IKBIP: variants seen among roughly 807,000 people sequenced by gnomAD.
The protein encoded by IKBIP is IKBKB interacting protein.
IKBIP carries 28 observed loss-of-function variants against 31.0 expected under a neutral mutation model. That is an observed-to-expected ratio of 0.90 (90% confidence interval 0.67 to 1.24). The LOEUF is 1.24. Ranked by LOEUF, IKBIP falls within the 50% of genes most tolerant of loss-of-function variation. The pLI is 0.00. For missense variants in IKBIP, 453 were observed against 441.9 expected (o/e 1.03, Z -0.23); for synonymous variants, 164 against 160.3 (o/e 1.02, Z -0.17).
At chr12:98,614,387 AC>A in intron 2 of IKBIP, 1 of 988,074 alleles carries the variant, frequency 1.0e-6, no homozygotes, top group South Asian at 2.4e-5. Flanking sequence ...TTAGAAGCTT[AC>A]CATTTAAAAT....
At chr12:98,631,529 C>T (rs1041884312) in intron 2 of IKBIP, among the ~76,000 whole-genome samples, 3 of 151,550 alleles carry the variant, frequency 2.0e-5, no homozygotes, top group Non-Finnish European at 4.4e-5. Context: ...GATCCACCCA[C>T]CTCGGCCCCT....
Position 98,624,640 on chromosome 12 carries a change from A to G in IKBIP, c.*1290T>C, listed in dbSNP as rs942478582. On this transcript the variant is annotated 3_prime_UTR_variant, in exon 3 of 3. Coordinates refer to ENST00000299157, the MANE Select transcript of IKBIP (RefSeq NM_153687.4). ...AAACTTCCATATTGCAGTTGACTACATTATATAATTTCAAATAAAATAAAA... is the reference window on the plus strand; with the variant it reads ...AAACTTCCATATTGCAGTTGACTACGTTATATAATTTCAAATAAAATAAAA... The G allele has an allele frequency of 8.0e-6, 7 of 872,100 alleles. No homozygotes were observed. The highest frequency in any genetic ancestry group is 1.8e-5 in the African/African-American group (1 of 54,926). The allele number at this position is 872,100 out of a possible 1,614,324, so 54.0% of individuals were successfully genotyped here.
chr12:98,629,773 G>A (rs2097618218), intron 2 of IKBIP, among the ~76,000 whole-genome samples: 1 of 152,116 alleles, frequency 6.6e-6, no homozygotes, highest in African/African-American at 2.4e-5. Flanking sequence ...GTAATGTCCT[G>A]TTTAGGAGGT....
At position 98,613,460 on chromosome 12, in the gene IKBIP, T is replaced by C. The variant is rs894325878; in HGVS notation, c.*125A>G. 4 of 552,812 alleles carry C rather than the reference T, an allele frequency of 7.2e-6. No individual in the cohort carries two copies. The South Asian group carries it at 1.4e-4, about 19-fold the overall frequency. 34.2% of individuals were successfully genotyped at this position (552,812 alleles called of 1,614,324 possible). On this transcript the variant is annotated 3_prime_UTR_variant, in exon 3 of 3. Transcript: ENST00000342502. The stretch of plus-strand genomic sequence containing the variant: ...ACCTGTTTTAAAGTTTTATTTTTAC[T>C]GTACAAAATAGGATTAAATATAAAA...
At chr12:98,635,999 A>G (rs756863927) in intron 1 of IKBIP, among the ~76,000 whole-genome samples, 1 of 152,250 alleles carries the variant, frequency 6.6e-6, no homozygotes, top group Non-Finnish European at 1.5e-5. Context: ...ACAAATCAAC[A>G]TCTGTTTATA....
intron 1 of IKBIP, among the ~76,000 whole-genome samples, chr12:98,636,064 G>A (rs2097625500): frequency 6.6e-6 from 1 of 152,172 alleles, no homozygotes; most frequent in African/African-American, 2.4e-5. Context: ...ATACCATTTT[G>A]TCTACTTTAA....
At position 98,624,989 on chromosome 12, in the gene IKBIP, T is replaced by G. The variant is rs2097612948; in HGVS notation, c.*941A>C. On this transcript the variant is annotated 3_prime_UTR_variant, in exon 3 of 3. Coordinates refer to ENST00000299157, the MANE Select transcript of IKBIP (RefSeq NM_153687.4). ...CTGGCTAATTTTTTGTATTTTTTAG[T>G]AGAGACAGGGTTTCACCCTGTTAGC... The G allele has an allele frequency of 2.6e-6, 1 of 378,492 alleles. No individual in the cohort carries two copies. The highest frequency in any genetic ancestry group is 1.3e-3 in the Middle Eastern group (1 of 742). 23.4% of individuals were successfully genotyped at this position (378,492 alleles called of 1,614,324 possible).
Position 98,626,511 on chromosome 12 carries a change from T to A in IKBIP, c.553A>T (p.Thr185Ser). 6.2e-7 allele frequency: 1 copy of A among 1,613,596 alleles called. No individual in the cohort carries two copies. Among genetic ancestry groups the A allele is most frequent in the Non-Finnish European group, 8.5e-7 (1 of 1,179,968 alleles). ...TGCTCAGCTGAGTTAATTTGGACAG[T>A]TACTTGAGAATGTATATGTTTTGCT... is the stretch of plus-strand genomic sequence containing the variant. ...SEAKHIHSQV[T>S]VQINSAEQEI... is the part of the protein sequence containing the mutation. The change falls in exon 3 of 3, where the codon ACT becomes TCT. Residue 185 changes from threonine to serine, a missense_variant. By Grantham distance (58) the Thr-to-Ser change is moderately conservative (BLOSUM62 1). Transcript: ENST00000299157.
downstream of IKBIP, among the ~76,000 whole-genome samples, chr12:98,622,045 C>T (rs892117192): frequency 2.0e-5 from 3 of 149,968 alleles, no homozygotes; most frequent in Middle Eastern, 3.4e-3. Flanking sequence ...CACTGCACTC[C>T]AGCCTGGGGA....
chr12:98,644,684 G>A lies in IKBIP; in HGVS notation c.18C>T (p.Ser6=). 4 of 1,610,228 alleles carry A rather than the reference G, an allele frequency of 2.5e-6. No homozygotes were observed. The highest frequency in any genetic ancestry group is 3.4e-6 in the Non-Finnish European group (4 of 1,178,996). MSEVK[S]RKKSGPKGAP... is the part of the protein sequence containing the mutation. ...CTCCCTTGGGCCCCGACTTCTTCCGGCTCTTCACCTCAGACATGTCTGGAG... is the reference window on the plus strand; with the variant it reads ...CTCCCTTGGGCCCCGACTTCTTCCGACTCTTCACCTCAGACATGTCTGGAG... The change falls in exon 1 of 3, where the codon AGC becomes AGT. Residue 6 remains serine (S), a synonymous_variant. Coordinates refer to ENST00000299157, the MANE Select transcript of IKBIP (RefSeq NM_153687.4).
downstream of IKBIP, among the ~76,000 whole-genome samples, chr12:98,620,404 T>C (rs1251439748): frequency 6.6e-6 from 1 of 151,794 alleles, no homozygotes; most frequent in East Asian, 1.9e-4. Context: ...TCTTGCTCTG[T>C]CGCCCAGGCT....
At chr12:98,615,296 C>T (rs531088418) in intron 2 of IKBIP, among the ~76,000 whole-genome samples, 1 of 152,086 alleles carries the variant, frequency 6.6e-6, no homozygotes, top group East Asian at 1.9e-4. Context: ...GCAATAGCCC[C>T]ATCTCTGCTG....
chr12:98,636,935 A>G (rs1391077291), intron 1 of IKBIP, among the ~76,000 whole-genome samples: 2 of 152,150 alleles, frequency 1.3e-5, no homozygotes, highest in African/African-American at 4.8e-5. Context: ...AAAAAAGTAA[A>G]AGAAGAAACA....
chr12:98,622,903 T>C (rs536495903), downstream of IKBIP, among the ~76,000 whole-genome samples: 129 of 144,924 alleles, frequency 8.9e-4, 6 homozygotes, highest in African/African-American at 3.6e-3. Flanking sequence ...AATTATATAT[T>C]CAAAAGTTTA....
intron 1 of IKBIP, 21 bp from the exon 2 acceptor site, chr12:98,634,434 C>A: frequency 8.6e-7 from 1 of 1,165,322 alleles, no homozygotes. Context: ...AAAGAAAAAT[C>A]ACTATTCTCC....
chr12:98,637,533 C>T (rs778995205), intron 1 of IKBIP, among the ~76,000 whole-genome samples: 90 of 152,048 alleles, frequency 5.9e-4, no homozygotes, highest in Non-Finnish European at 1.1e-3. Context: ...CTCAGCCTCC[C>T]GAGTAGCTGG....
chr12:98,637,363 TGATA>T (rs1206202470), intron 1 of IKBIP, among the ~76,000 whole-genome samples: 1 of 152,238 alleles, frequency 6.6e-6, no homozygotes, highest in Non-Finnish European at 1.5e-5. Flanking sequence ...TCTAAGTACT[TGATA>T]AATATTAATT....
chr12:98,635,984 A>C (rs1261106127), intron 1 of IKBIP, among the ~76,000 whole-genome samples: 1 of 152,260 alleles, frequency 6.6e-6, no homozygotes, highest in Non-Finnish European at 1.5e-5. Context: ...TCAATCTTCA[A>C]AACAACAAAT....
chr12:98,625,851 C>T lies in IKBIP; in HGVS notation c.*79G>A, dbSNP rs1025450367. ...TCCAATAATGTAGGATAAGATGAGGCGTATCAAAGTAACTCAAAATCAATG... is the reference window on the plus strand; with the variant it reads ...TCCAATAATGTAGGATAAGATGAGGTGTATCAAAGTAACTCAAAATCAATG... On this transcript the variant is annotated 3_prime_UTR_variant, in exon 3 of 3. Coordinates refer to ENST00000299157, the MANE Select transcript of IKBIP (RefSeq NM_153687.4). 4.0e-5 allele frequency: 46 copies of T among 1,160,240 alleles called. No individual in the cohort carries two copies. The highest frequency in any genetic ancestry group is 4.3e-5 in the Non-Finnish European group (38 of 875,752). The allele number at this position is 1,160,240 out of a possible 1,614,324, so 71.9% of individuals were successfully genotyped here.
Sources: allele counts gnomAD v4.1 joint callset (sites outside exome capture counted in the v4.1 genomes callset), GRCh38; gene constraint gnomAD v4.1.1; transcripts MANE v1.5; gene names NCBI Gene and HGNC (gene_info 2026-07-23, HGNC 2026-07-21).